Variants in QTMAN observed in about 807,000 individuals in gnomAD.
QTMAN encodes the protein queuosine-tRNA mannosyltransferase.
the QTMAN span, among the ~76,000 whole-genome samples, chr2:144,132,213 T>C: frequency 6.6e-6 from 1 of 151,942 alleles, no homozygotes; most frequent in Non-Finnish European, 1.5e-5. Context: ...AGGGCATATA[T>C]AAAACCTCAA....
At chr2:143,965,976 G>T in the QTMAN span, among the ~76,000 whole-genome samples, 1 of 152,182 alleles carries the variant, frequency 6.6e-6, no homozygotes, top group African/African-American at 2.4e-5. Context: ...TATCCACAGG[G>T]GATGAATTGC....
the QTMAN span, among the ~76,000 whole-genome samples, chr2:144,074,352 A>G: frequency 6.6e-6 from 1 of 152,230 alleles, no homozygotes; most frequent in Non-Finnish European, 1.5e-5. Flanking sequence ...GTTAAAAATC[A>G]TATTAACCTG....
the QTMAN span, among the ~76,000 whole-genome samples, chr2:144,103,610 T>G: frequency 1.3e-5 from 2 of 152,162 alleles, no homozygotes; most frequent in South Asian, 4.1e-4. Context: ...TCATTATCAG[T>G]AAATGGTATT....
chr2:144,123,532 T>C, the QTMAN span, among the ~76,000 whole-genome samples: 1 of 152,150 alleles, frequency 6.6e-6, no homozygotes, highest in Non-Finnish European at 1.5e-5. Flanking sequence ...TTTTTCCACA[T>C]GGCCCATCAT....
At chr2:143,986,334 G>C in the QTMAN span, among the ~76,000 whole-genome samples, 1 of 152,180 alleles carries the variant, frequency 6.6e-6, no homozygotes, top group South Asian at 2.1e-4. Flanking sequence ...CGATGGAGGA[G>C]AGCTGAGCAC....
At chr2:144,052,882 C>T in the QTMAN span, among the ~76,000 whole-genome samples, 1 of 152,172 alleles carries the variant, frequency 6.6e-6, no homozygotes, top group African/African-American at 2.4e-5. Context: ...CTCCAGACCT[C>T]AGGTGATCCA....
chr2:144,226,900 C>T, the QTMAN span, among the ~76,000 whole-genome samples: 1 of 152,074 alleles, frequency 6.6e-6, no homozygotes, highest in Non-Finnish European at 1.5e-5. Flanking sequence ...ATTCCTTCTG[C>T]AGATTTTAAA....
chr2:144,152,261 G>A, the QTMAN span, among the ~76,000 whole-genome samples: 1 of 152,220 alleles, frequency 6.6e-6, no homozygotes, highest in Non-Finnish European at 1.5e-5. Flanking sequence ...CTGCCACTGA[G>A]CAGTATCTCC....
At chr2:144,274,132 C>CA in the QTMAN span, among the ~76,000 whole-genome samples, 1,328 of 148,084 alleles carry the variant, frequency 9.0e-3, 7 homozygotes, top group African/African-American at 0.011. Flanking sequence ...GACTCCGTCT[C>CA]AAAAAAAAAA....
At chr2:144,148,775 T>A in the QTMAN span, among the ~76,000 whole-genome samples, 1 of 151,910 alleles carries the variant, frequency 6.6e-6, no homozygotes, top group African/African-American at 2.4e-5. Context: ...TATATTCATA[T>A]GAGAAACAAC....
the QTMAN span, among the ~76,000 whole-genome samples, chr2:144,245,790 T>C: frequency 6.6e-6 from 1 of 152,160 alleles, no homozygotes; most frequent in Non-Finnish European, 1.5e-5. Flanking sequence ...GTAATAAATA[T>C]ATAAAAATAA....
At chr2:144,143,644 C>T in the QTMAN span, among the ~76,000 whole-genome samples, 6 of 151,834 alleles carry the variant, frequency 4.0e-5, no homozygotes, top group Non-Finnish European at 5.9e-5. Context: ...AGTGCTGACA[C>T]AACACTAAGC....
At chr2:144,198,981 T>C in the QTMAN span, among the ~76,000 whole-genome samples, 4 of 152,168 alleles carry the variant, frequency 2.6e-5, no homozygotes, top group African/African-American at 4.8e-5. Context: ...TACCAAAATC[T>C]TTAACATCCC....
At chr2:144,233,795 T>C in the QTMAN span, among the ~76,000 whole-genome samples, 2 of 152,296 alleles carry the variant, frequency 1.3e-5, no homozygotes, top group Middle Eastern at 3.4e-3. Context: ...AAGAATGCAT[T>C]AACTGCCTAA....
the QTMAN span, among the ~76,000 whole-genome samples, chr2:144,019,965 G>A: frequency 6.6e-6 from 1 of 152,132 alleles, no homozygotes; most frequent in African/African-American, 2.4e-5. Context: ...CAGTCAACAA[G>A]CGCTGTCTCT....
the QTMAN span, among the ~76,000 whole-genome samples, chr2:143,955,145 C>T: frequency 2.6e-5 from 4 of 152,054 alleles, no homozygotes; most frequent in African/African-American, 9.7e-5. Context: ...CCTGAGTCTA[C>T]TAATAACAGA....
chr2:144,185,978 A>G, the QTMAN span, among the ~76,000 whole-genome samples: 6 of 152,224 alleles, frequency 3.9e-5, no homozygotes, highest in African/African-American at 1.4e-4. Context: ...CCTGTATAAT[A>G]ACAGAGCAAC....
the QTMAN span, among the ~76,000 whole-genome samples, chr2:144,053,492 T>C: frequency 1.3e-5 from 2 of 152,200 alleles, no homozygotes; most frequent in Non-Finnish European, 2.9e-5. Flanking sequence ...GCTATGACAA[T>C]AATAAGCATG....
the QTMAN span, among the ~76,000 whole-genome samples, chr2:144,231,014 G>A: frequency 6.6e-6 from 1 of 152,088 alleles, no homozygotes; most frequent in Non-Finnish European, 1.5e-5. Context: ...AGATGCCATA[G>A]AAAACATATG....
Sources: gnomAD v4.1 joint callset for allele counts (sites outside exome capture counted in the v4.1 genomes callset) on GRCh38, gnomAD v4.1.1 for gene constraint, MANE v1.5 for transcripts, NCBI Gene and HGNC (gene_info 2026-07-23, HGNC 2026-07-21) for gene names.